Variants in SLC9A6 observed in about 807,000 individuals in gnomAD.
The protein encoded by SLC9A6 is sodium/hydrogen exchanger 6.
Under a neutral mutation model 45.3 loss-of-function variants are expected in SLC9A6, and 6 were observed. The ratio of observed to expected loss-of-function variants is 0.13; its 90% CI spans 0.07 to 0.26. The LOEUF is 0.26. Among genes scored for constraint, SLC9A6 ranks in the 10% least tolerant of loss-of-function variants. The probability of loss-of-function intolerance (pLI) is 1.00; values close to 1 mark genes in which losing one functional copy is unlikely to be tolerated. For missense variants in SLC9A6, 278 were observed against 503.7 expected (o/e 0.55, Z 4.29); for synonymous variants, 191 against 187.7 (o/e 1.02, Z -0.14).
rs970358962 is a variant in SLC9A6, at chrX:136,030,185, C to T, written c.1581+23C>T. The T allele has an allele frequency of 2.5e-6, 3 of 1,193,762 alleles. No homozygotes were observed. The South Asian group carries it at 5.3e-5, about 21-fold the overall frequency. On this transcript the variant is annotated intron_variant, in intron 15 of 17. Coordinates refer to ENST00000630721, the MANE Select transcript of SLC9A6 (RefSeq NM_001379110.1). ...TTGGTAAATATGCGTTTTTGTTGTT[C>T]CTGGCATTTCTGTCAAATGTGCAGT...
intron 10 of SLC9A6, among the ~76,000 whole-genome samples, chrX:136,015,984 G>C (rs1207268507): frequency 9.0e-6 from 1 of 111,228 alleles, no homozygotes; most frequent in Non-Finnish European, 1.9e-5. Context: ...GCTATGATGT[G>C]AATGGGATGG....
At chrX:135,996,905 T>C (rs2089507183) in intron 3 of SLC9A6, among the ~76,000 whole-genome samples, 1 of 109,863 alleles carries the variant, frequency 9.1e-6, no homozygotes. Flanking sequence ...TAGCTGGGAC[T>C]ACAGGCGCCC....
In SLC9A6 at chrX:136,027,395, A is replaced by G. The variant is rs782634083; in HGVS notation, c.1461-1491A>G. On this transcript the variant is annotated intron_variant, in intron 13 of 17. Transcript: ENST00000630721. ...GGCAGAGGGAAGAGCAAGTTGTACA[A>G]ATGTCCTGAGGAAGGGACAAACTTG... Among the ~76,000 whole-genome samples the G allele has an allele frequency of 1.3e-4, 14 of 111,867 alleles. No homozygotes were observed. The Middle Eastern group carries it at 0.014, about 110-fold the overall frequency.
chrX:136,038,404 A>G (rs1320769665), intron 16 of SLC9A6, among the ~76,000 whole-genome samples: 6 of 112,119 alleles, frequency 5.4e-5, no homozygotes, highest in African/African-American at 1.9e-4. Context: ...CTTGGTCATG[A>G]TGTGTTATCC....
intron 14 of SLC9A6, chrX:136,029,928 A>G: frequency 2.2e-6 from 1 of 445,293 alleles, no homozygotes; most frequent in South Asian, 3.3e-5. Context: ...TCATGGGTAC[A>G]CCCTGCTTGC....
intron 7 of SLC9A6, chrX:136,010,163 A>AG (rs1315491115): frequency 5.5e-6 from 2 of 366,376 alleles, no homozygotes; most frequent in African/African-American, 5.2e-5. Flanking sequence ...ACTGCACAGT[A>AG]TCTTGGGGAT....
intron 13 of SLC9A6, among the ~76,000 whole-genome samples, chrX:136,026,581 G>T (rs2071230289): frequency 9.1e-6 from 1 of 109,386 alleles, no homozygotes; most frequent in Admixed American, 9.7e-5. Context: ...TGTCGCTTAG[G>T]CTGGAGTGCA....
intron 12 of SLC9A6, among the ~76,000 whole-genome samples, chrX:136,023,855 CAGTA>C (rs1274686841): frequency 9.0e-6 from 1 of 110,664 alleles, no homozygotes; most frequent in Admixed American, 9.6e-5. Context: ...CAATGCATGT[CAGTA>C]AGTAACATAC....
intron 2 of SLC9A6, among the ~76,000 whole-genome samples, chrX:135,986,815 T>C (rs893930058): frequency 9.0e-6 from 1 of 111,184 alleles, no homozygotes; most frequent in Non-Finnish European, 1.9e-5. Context: ...AAGATACATA[T>C]TGCCGACTGT....
intron 11 of SLC9A6, 80 bp from the exon 12 acceptor site, chrX:136,022,506 G>A (rs1325715097): frequency 8.5e-6 from 5 of 589,501 alleles, no homozygotes; most frequent in South Asian, 7.1e-5. Flanking sequence ...CCCTAAAATA[G>A]TCTTTCACCA....
chrX:136,021,649 C>T (rs1456738977), intron 11 of SLC9A6, among the ~76,000 whole-genome samples: 1 of 112,048 alleles, frequency 8.9e-6, no homozygotes, highest in Non-Finnish European at 1.9e-5. Flanking sequence ...GCCTCAGCCA[C>T]CAGAGTAGCT....
intron 17 of SLC9A6, among the ~76,000 whole-genome samples, chrX:136,041,737 G>A (rs2071514962): frequency 8.9e-6 from 1 of 112,236 alleles, no homozygotes; most frequent in Non-Finnish European, 1.9e-5. Context: ...TAGAGCAGCT[G>A]TAACAAAGTA....
intron 2 of SLC9A6, among the ~76,000 whole-genome samples, chrX:135,993,484 C>T (rs781954161): frequency 1.6e-4 from 18 of 111,930 alleles, no homozygotes; most frequent in South Asian, 1.1e-3. Context: ...CAATTATAGT[C>T]GATCAATATA....
At chrX:135,981,920 C>G (rs992553306), upstream of SLC9A6, among the ~76,000 whole-genome samples, 1 of 112,394 alleles carries the variant, frequency 8.9e-6, no homozygotes, top group Non-Finnish European at 1.9e-5. Context: ...TCCACAGTCT[C>G]TTTTGCAACT....
Position 135,990,142 on chromosome X carries a change from C to T in SLC9A6, c.169+4315C>T, listed in dbSNP as rs187153572. On this transcript the variant is annotated intron_variant, in intron 2 of 17. Transcript: ENST00000630721. ...CTGGGATTACAGGTGACCGCCACCACGCCTGGCTAAATTTTTTGTAATTTT... is the reference window on the plus strand; with the variant it reads ...CTGGGATTACAGGTGACCGCCACCATGCCTGGCTAAATTTTTTGTAATTTT... 4.5e-3 allele frequency among the ~76,000 whole-genome samples: 494 copies of T among 110,615 alleles called. 3 individuals are homozygous for T. The highest frequency in any genetic ancestry group is 0.015 in the African/African-American group (462 of 30,409).
chrX:136,042,278 G>A lies in SLC9A6; in HGVS notation c.1767+2097G>A, dbSNP rs139151011. 8.5e-3 allele frequency among the ~76,000 whole-genome samples: 925 copies of A among 109,389 alleles called. 8 individuals are homozygous for A. Among genetic ancestry groups the A allele is most frequent in the African/African-American group, 0.03 (888 of 29,988 alleles). 95.0% of individuals were successfully genotyped at this position (109,389 alleles called of 115,157 possible). On this transcript the variant is annotated intron_variant, in intron 17 of 17. Transcript: ENST00000630721. Reference sequence around the variant, plus strand: ...CAACCTCTACCTCTCAGGTTCAAGCGATTCTTATGCCTCAGCCTCCCAAGT... The same window carrying A: ...CAACCTCTACCTCTCAGGTTCAAGCAATTCTTATGCCTCAGCCTCCCAAGT...
intron 10 of SLC9A6, among the ~76,000 whole-genome samples, chrX:136,015,385 G>C (rs1251817454): frequency 1.8e-5 from 2 of 112,028 alleles, no homozygotes; most frequent in East Asian, 5.6e-4. Flanking sequence ...GGGAAAGTTT[G>C]CCGATCCCTA....
chrX:136,044,558 G>A lies in SLC9A6; in HGVS notation c.1874G>A (p.Ser625Asn). The A allele has an allele frequency of 8.3e-7, 1 of 1,211,470 alleles. No individual in the cohort carries two copies. The highest frequency in any genetic ancestry group is 1.1e-6 in the Non-Finnish European group (1 of 895,307). ...STVNTEPATS[S>N]APRRFMGNSS... ...GTGAACACTGAACCGGCCACATCCAGCGCCCCAAGGAGATTTATGGGAAAC... is the reference window on the plus strand; with the variant it reads ...GTGAACACTGAACCGGCCACATCCAACGCCCCAAGGAGATTTATGGGAAAC... Residue 625 changes from serine to asparagine, a missense_variant, in exon 18 of 18, where the codon AGC (serine) becomes AAC (asparagine). Ser to Asn is a conservative substitution (Grantham distance 46). Transcript: ENST00000630721.
At chrX:135,976,756 G>C (rs1205900198) in intron 1 of SLC9A6, among the ~76,000 whole-genome samples, 4 of 111,902 alleles carry the variant, frequency 3.6e-5, no homozygotes, top group African/African-American at 1.3e-4. Flanking sequence ...AATGAATCTG[G>C]TATTTGTATA....
Sources: gnomAD v4.1 joint callset for allele counts (sites outside exome capture counted in the v4.1 genomes callset) on GRCh38, gnomAD v4.1.1 for gene constraint, MANE v1.5 for transcripts, NCBI Gene and HGNC (gene_info 2026-07-23, HGNC 2026-07-21) for gene names.